Variants in NFILZ observed in about 807,000 individuals in gnomAD.
The protein encoded by NFILZ is NFIL3 like basic leucine zipper.
At chr19:8,639,467 T>A (rs1446359666) in intron 3 of NFILZ, among the ~76,000 whole-genome samples, 1 of 152,076 alleles carries the variant, frequency 6.6e-6, no homozygotes, top group Non-Finnish European at 1.5e-5. Context: ...TATGGTGGCA[T>A]GTGCCTGTAG....
At chr19:8,664,362 C>G (rs2146165553) in intron 3 of NFILZ, among the ~76,000 whole-genome samples, 1 of 152,290 alleles carries the variant, frequency 6.6e-6, no homozygotes, top group South Asian at 2.1e-4. Context: ...CCCTGCCCAC[C>G]CCCCACTTCC....
At chr19:8,665,380 G>A (rs2043057339) in intron 3 of NFILZ, among the ~76,000 whole-genome samples, 1 of 152,138 alleles carries the variant, frequency 6.6e-6, no homozygotes, top group Non-Finnish European at 1.5e-5. Context: ...GTGTGTTTGA[G>A]GAGGGCTAAG....
At chr19:8,667,501 T>C (rs1324131901) in intron 3 of NFILZ, among the ~76,000 whole-genome samples, 2 of 152,254 alleles carry the variant, frequency 1.3e-5, no homozygotes, top group Non-Finnish European at 2.9e-5. Context: ...TAACATGGTG[T>C]AGTATTTGCA....
Position 8,680,459 on chromosome 19 carries a change from T to C in NFILZ, c.*2824T>C, listed in dbSNP as rs982722878. Among the ~76,000 whole-genome samples the C allele has an allele frequency of 6.6e-5, 10 of 152,218 alleles. No individual in the cohort carries two copies. The highest frequency in any genetic ancestry group is 1.9e-4 in the African/African-American group (8 of 41,450). ...CAGCCGAGTTGGCAGTCTTTTCTTT[T>C]GTGGTTTGTACATTTTTGTCATGTT... is the stretch of plus-strand genomic sequence containing the variant. On this transcript the variant is annotated 3_prime_UTR_variant, in exon 6 of 6. Coordinates refer to ENST00000691075, the MANE Select transcript of NFILZ (RefSeq NM_001378600.1).
In NFILZ at chr19:8,647,799, A is replaced by G. The variant is rs1274844894; in HGVS notation, c.-164+12053A>G. On this transcript the variant is annotated intron_variant, in intron 3 of 5. Coordinates refer to ENST00000691075, the MANE Select transcript of NFILZ (RefSeq NM_001378600.1). ...CACATGCGCGCGCGCGCGCGCGCAC[A>G]CACACACACACACACACACACACAC... Among the ~76,000 whole-genome samples, 431 of 92,094 alleles carry G rather than the reference A, an allele frequency of 4.7e-3. 2 individuals are homozygous for G. The highest frequency in any genetic ancestry group is 0.02 in the African/African-American group (384 of 18,860). 60.4% of individuals were successfully genotyped at this position (92,094 alleles called of 152,430 possible).
rs541334103 is a variant in NFILZ, at chr19:8,642,165, G to A, written c.-164+6419G>A. Among the ~76,000 whole-genome samples, 48 of 146,546 alleles carry A rather than the reference G, an allele frequency of 3.3e-4. 1 individual carries two copies. In the East Asian group the frequency reaches 4.1e-3, roughly 13 times the overall value. On this transcript the variant is annotated intron_variant, in intron 3 of 5. Transcript: ENST00000691075. ...GCCTATGGCTCTAATTTTTATCACC[G>A]TTCTCTTTTTTTTTTTTTTTAAGTG...
chr19:8,645,571 G>A (rs530575513), intron 3 of NFILZ, among the ~76,000 whole-genome samples: 3 of 152,268 alleles, frequency 2.0e-5, no homozygotes, highest in Non-Finnish European at 2.9e-5. Flanking sequence ...CACACCCAGA[G>A]CCAATGAGAG....
At chr19:8,656,441 T>TCTCTGAAACCCA (rs2043000661) in intron 3 of NFILZ, among the ~76,000 whole-genome samples, 4 of 68,708 alleles carry the variant, frequency 5.8e-5, no homozygotes, top group Admixed American at 3.6e-4. Context: ...GCCCACCTTC[T>TCTCTGAAACCCA]CCTCGAAGCC....
At chr19:8,633,020 C>CCT (rs1461287314) in intron 2 of NFILZ, among the ~76,000 whole-genome samples, 6 of 30,520 alleles carry the variant, frequency 2.0e-4, no homozygotes, top group Non-Finnish European at 3.3e-4. Context: ...ACTGCACCTG[C>CCT]CTTTTTTTTT....
At position 8,656,334 on chromosome 19, in the gene NFILZ, CTTCCTGAAGCCCACCTCT is replaced by C. The variant is rs1377110722; in HGVS notation, c.-163-18215_-163-18198del. Among the ~76,000 whole-genome samples the C allele has an allele frequency of 1.8e-4, 12 of 68,446 alleles. 1 individual carries two copies. The highest frequency in any genetic ancestry group is 5.4e-4 in the African/African-American group (11 of 20,278). The allele number at this position is 68,446 out of a possible 152,430, so 44.9% of individuals were successfully genotyped here. ...CGCACCTCCTCCCTGAAGCCCCCTTCTTCCTGAAGCCCACCTCTTCCCTGAAGCCCACCTTCTCCCTGA... is the reference window on the plus strand; with the variant it reads ...CGCACCTCCTCCCTGAAGCCCCCTTCTCCCTGAAGCCCACCTTCTCCCTGA... On this transcript the variant is annotated intron_variant, in intron 3 of 5. Transcript: ENST00000691075.
At chr19:8,666,873 C>A (rs2043064277) in intron 3 of NFILZ, among the ~76,000 whole-genome samples, 1 of 151,756 alleles carries the variant, frequency 6.6e-6, no homozygotes, top group South Asian at 2.1e-4. Context: ...TAGCTGGGAC[C>A]AGAGGTGCAC....
chr19:8,676,609 G>T (rs916950811), intron 5 of NFILZ, among the ~76,000 whole-genome samples, 142 bp from the exon 6 acceptor site: 19 of 152,232 alleles, frequency 1.2e-4, no homozygotes, highest in Admixed American at 6.5e-5. Flanking sequence ...AACAGATGAA[G>T]ATCGAACCTT....
At chr19:8,656,441 T>TCTCTGAAGCCCA (rs2043000661) in intron 3 of NFILZ, among the ~76,000 whole-genome samples, 4 of 68,714 alleles carry the variant, frequency 5.8e-5, no homozygotes, top group South Asian at 1.1e-3. Context: ...GCCCACCTTC[T>TCTCTGAAGCCCA]CCTCGAAGCC....
At chr19:8,641,196 T>C (rs1237832554) in intron 3 of NFILZ, among the ~76,000 whole-genome samples, 1 of 151,876 alleles carries the variant, frequency 6.6e-6, no homozygotes, top group Non-Finnish European at 1.5e-5. Context: ...ACTACTGGCA[T>C]GCACCACCAC....
intron 3 of NFILZ, among the ~76,000 whole-genome samples, chr19:8,642,207 C>T (rs1383979988): frequency 1.4e-5 from 2 of 147,378 alleles, no homozygotes; most frequent in African/African-American, 2.5e-5. Flanking sequence ...CGAGTTGATT[C>T]TTTAGCCTGT....
intron 3 of NFILZ, among the ~76,000 whole-genome samples, chr19:8,667,302 T>C (rs1325743108): frequency 6.6e-6 from 1 of 152,192 alleles, no homozygotes; most frequent in Admixed American, 6.5e-5. Context: ...TCTAGTTCCA[T>C]CTCTGCCACT....
chr19:8,639,073 G>T (rs1600139450), intron 3 of NFILZ, among the ~76,000 whole-genome samples: 1 of 152,046 alleles, frequency 6.6e-6, no homozygotes, highest in South Asian at 2.1e-4. Flanking sequence ...CAAACTCCTG[G>T]CCTCAAGTGA....
chr19:8,646,705 C>T (rs751611487), intron 3 of NFILZ, among the ~76,000 whole-genome samples: 7 of 152,228 alleles, frequency 4.6e-5, no homozygotes, highest in Non-Finnish European at 8.8e-5. Flanking sequence ...GCTGTCCCCA[C>T]GTCACTCAGC....
At chr19:8,656,374 CTGAAG>C (rs2042998119) in intron 3 of NFILZ, among the ~76,000 whole-genome samples, 1 of 133,762 alleles carries the variant, frequency 7.5e-6, no homozygotes, top group Non-Finnish European at 1.6e-5. Flanking sequence ...CACCTTCTCC[CTGAAG>C]CCCACCTTCT....
Sources: gnomAD v4.1 joint callset for allele counts (sites outside exome capture counted in the v4.1 genomes callset) on GRCh38, gnomAD v4.1.1 for gene constraint, MANE v1.5 for transcripts, NCBI Gene and HGNC (gene_info 2026-07-23, HGNC 2026-07-21) for gene names.